The following BCL2L14 variants were observed in gnomAD, a reference collection of about 807,000 sequenced individuals.
The protein encoded by BCL2L14 is BCL2 like 14, also known as apoptosis facilitator Bcl-2-like protein 14.
Under a neutral mutation model 35.3 loss-of-function variants are expected in BCL2L14, and 27 were observed. The observed-to-expected ratio is 0.76, with a 90% CI of 0.56 to 1.05. BCL2L14 has a LOEUF of 1.05. Ranked by LOEUF, BCL2L14 falls within the 50% of genes least tolerant of loss-of-function variation. The pLI, the probability that BCL2L14 is intolerant of heterozygous loss-of-function variation, is 0.00. For missense variants in BCL2L14, 377 were observed against 382.6 expected (o/e 0.99, Z 0.12); for synonymous variants, 139 against 145.9 (o/e 0.95, Z 0.34).
chr12:12,096,445 A>C (rs1949314319), intron 5 of BCL2L14, among the ~76,000 whole-genome samples: 3 of 143,078 alleles, frequency 2.1e-5, no homozygotes, highest in South Asian at 4.6e-4. Flanking sequence ...AAAAAAAAAA[A>C]AAACAACCCA....
chr12:12,075,295 G>C (rs1948755136), intron 1 of BCL2L14, among the ~76,000 whole-genome samples: 1 of 151,690 alleles, frequency 6.6e-6, no homozygotes, highest in African/African-American at 2.4e-5. Context: ...GCTAATTTTT[G>C]TATTTTTTTT....
chr12:12,067,719 C>T (rs1054042010), upstream of BCL2L14, among the ~76,000 whole-genome samples: 5 of 152,124 alleles, frequency 3.3e-5, no homozygotes, highest in Admixed American at 6.5e-5. Context: ...CCCTGTTTTA[C>T]GAGTTTTCTA....
chr12:12,068,880 T>TATACGGGTATTCCTTGATC (rs1261103513), upstream of BCL2L14, among the ~76,000 whole-genome samples: 10 of 152,146 alleles, frequency 6.6e-5, no homozygotes, highest in African/African-American at 2.4e-4. Flanking sequence ...TTTGATTGAG[T>TATACGGGTATTCCTTGATC]ATACGGGTAT....
At chr12:12,050,844 G>T (rs1268963634) in intron 1 of BCL2L14, among the ~76,000 whole-genome samples, 1 of 147,672 alleles carries the variant, frequency 6.8e-6, no homozygotes, top group Non-Finnish European at 1.5e-5. Flanking sequence ...AAGAATGGCC[G>T]TGCATAAATC....
intron 2 of BCL2L14, among the ~76,000 whole-genome samples, chr12:12,080,448 G>A (rs1948892527): frequency 1.3e-5 from 2 of 150,472 alleles, no homozygotes; most frequent in South Asian, 2.1e-4. Flanking sequence ...GTGAAAACCC[G>A]TCTCTACTAA....
chr12:12,088,611 T>C (rs1481487074), intron 3 of BCL2L14, among the ~76,000 whole-genome samples: 2 of 152,234 alleles, frequency 1.3e-5, no homozygotes, highest in Non-Finnish European at 2.9e-5. Context: ...GATTTGGGGC[T>C]GCTTTTCATT....
At chr12:12,067,891 G>T (rs1402203359), upstream of BCL2L14, among the ~76,000 whole-genome samples, 2 of 152,050 alleles carry the variant, frequency 1.3e-5, no homozygotes, top group African/African-American at 4.8e-5. Flanking sequence ...TCCGTGTGGG[G>T]TTTGCCCCTT....
intron 5 of BCL2L14, chr12:12,095,707 A>G (rs750049236): frequency 4.1e-6 from 4 of 985,326 alleles, no homozygotes; most frequent in Non-Finnish European, 4.8e-6. Context: ...CAGCAGGAGG[A>G]TTGAGTCGGC....
chr12:12,071,354 CTTTCA>C (rs941253557), intron 1 of BCL2L14: 21 of 152,234 alleles, frequency 1.4e-4, no homozygotes, highest in African/African-American at 5.1e-4. Context: ...TTAGGTTTCT[CTTTCA>C]TTTCTCTTTT....
At chr12:12,070,074 T>C (rs1948646484), upstream of BCL2L14, among the ~76,000 whole-genome samples, 1 of 152,238 alleles carries the variant, frequency 6.6e-6, no homozygotes, top group Non-Finnish European at 1.5e-5. Flanking sequence ...TAAAATCAGA[T>C]GTAACTGTTT....
chr12:12,050,679 A>G (rs1475703599), intron 1 of BCL2L14, among the ~76,000 whole-genome samples: 1 of 151,486 alleles, frequency 6.6e-6, no homozygotes, highest in Admixed American at 6.6e-5. Flanking sequence ...TATAGCTTCG[A>G]GTCTAAGAGC....
intron 4 of BCL2L14, 71 bp from the exon 5 acceptor site, chr12:12,094,593 C>T (rs1949269389): frequency 1.2e-6 from 2 of 1,614,226 alleles, no homozygotes; most frequent in East Asian, 2.2e-5. Flanking sequence ...TGCATTTGAG[C>T]TAAAGAATGA....
chr12:12,077,128 TGCCA>T (rs1221414021), intron 1 of BCL2L14, among the ~76,000 whole-genome samples: 3 of 152,200 alleles, frequency 2.0e-5, no homozygotes, highest in South Asian at 4.1e-4. Context: ...AAGAGGAACA[TGCCA>T]GCCAGTCCCC....
intron 1 of BCL2L14, among the ~76,000 whole-genome samples, chr12:12,050,444 A>T (rs1481048255): frequency 6.8e-6 from 1 of 146,794 alleles, no homozygotes; most frequent in African/African-American, 2.5e-5. Context: ...AAAAAAAAAA[A>T]AAAAAGAAAA....
rs750292423 is a variant in BCL2L14 at position 12,079,569 on chromosome 12, GA to G, written c.269del (p.Lys90SerfsTer10). 6.2e-7 allele frequency: 1 copy of G among 1,614,210 alleles called. No homozygotes were observed. The highest frequency in any genetic ancestry group is 8.5e-7 in the Non-Finnish European group (1 of 1,180,044). On this transcript the variant is annotated frameshift_variant, in exon 2 of 6. Transcript: ENST00000308721. LOFTEE classifies it high-confidence loss of function. ...GTGAGAAGGCCATAAACCTTGGCAAGAAAAAGTCTTCTTGGAAAGCATTCTT... is the reference window on the plus strand; with the variant it reads ...GTGAGAAGGCCATAAACCTTGGCAAGAAAAGTCTTCTTGGAAAGCATTCTT... ...SSEKAINLGK[K>X]KSSWKAFFGV...
At chr12:12,076,983 G>A (rs954837634) in intron 1 of BCL2L14, among the ~76,000 whole-genome samples, 5 of 152,166 alleles carry the variant, frequency 3.3e-5, no homozygotes, top group Admixed American at 3.3e-4. Flanking sequence ...AGCTGAGCCA[G>A]CCGTGGCTAT....
At chr12:12,067,754 C>T (rs1046138022), upstream of BCL2L14, among the ~76,000 whole-genome samples, 1 of 152,142 alleles carries the variant, frequency 6.6e-6, no homozygotes, top group Non-Finnish European at 1.5e-5. Flanking sequence ...TGTTTACAAT[C>T]GGGAGAAAAG....
chr12:12,087,435 A>T (rs377599351), intron 3 of BCL2L14, 49 bp downstream of exon 3: 1 of 1,590,100 alleles, frequency 6.3e-7, no homozygotes, highest in Non-Finnish European at 8.6e-7. Flanking sequence ...GGGGCGCAGG[A>T]GCATTTGTGT....
intron 1 of BCL2L14, among the ~76,000 whole-genome samples, chr12:12,076,854 C>A (rs1232199021): frequency 6.6e-6 from 1 of 152,194 alleles, no homozygotes; most frequent in Non-Finnish European, 1.5e-5. Context: ...AGCTCCTACA[C>A]CTCCTTCCAA....
Sources: allele counts gnomAD v4.1 joint callset (sites outside exome capture counted in the v4.1 genomes callset), GRCh38; gene constraint gnomAD v4.1.1; transcripts MANE v1.5; gene names NCBI Gene and HGNC (gene_info 2026-07-23, HGNC 2026-07-21).